The following FMNL2 variants were observed in gnomAD, a reference collection of about 807,000 sequenced individuals.
The protein encoded by FMNL2 is formin-like protein 2.
In FMNL2, 51 loss-of-function variants were observed where a neutral mutation model predicts 130.2. That is an observed-to-expected ratio of 0.39 (90% CI 0.31 to 0.49). The LOEUF is 0.49. Ranked by LOEUF, FMNL2 falls within the 20% of genes least tolerant of loss-of-function variation. The pLI is 0.85. For synonymous variants in FMNL2, 465 were observed against 467.1 expected (o/e 1.00, Z 0.06); for missense variants, 977 against 1,316.2 (o/e 0.74, Z 3.99).
chr2:152,335,702 G>A lies in FMNL2; in HGVS notation c.99G>A (p.Glu33=). ...TGCCAGAGCCAGGTGAACTGGAGGA[G>A]CGATTTGCCATCGTGCTGGTAAGTG... is the stretch of plus-strand genomic sequence containing the variant. ...LPMPEPGELE[E]RFAIVLNAMN... is the part of the protein sequence containing the mutation. The change falls in exon 1 of 26, where the codon GAG becomes GAA. Residue 33 remains glutamate (E), a synonymous_variant. Coordinates refer to ENST00000288670, the MANE Select transcript of FMNL2 (RefSeq NM_052905.4). 1.9e-6 allele frequency: 3 copies of A among 1,584,286 alleles called. No homozygotes were observed. The South Asian group carries it at 3.4e-5, about 18-fold the overall frequency.
chr2:152,354,494 A>C (rs1485453987), intron 1 of FMNL2, among the ~76,000 whole-genome samples: 2 of 151,872 alleles, frequency 1.3e-5, no homozygotes, highest in Non-Finnish European at 2.9e-5. Flanking sequence ...TCCCCAGTAA[A>C]CCCCTGCGTT....
intron 1 of FMNL2, among the ~76,000 whole-genome samples, chr2:152,374,265 G>T (rs1180459654): frequency 1.3e-5 from 2 of 152,166 alleles, no homozygotes; most frequent in African/African-American, 4.8e-5. Flanking sequence ...TCTGGGGTGG[G>T]AGTGTTATTT....
chr2:152,395,047 T>C (rs1558825351), intron 1 of FMNL2, among the ~76,000 whole-genome samples: 1 of 152,244 alleles, frequency 6.6e-6, no homozygotes, highest in Non-Finnish European at 1.5e-5. Flanking sequence ...CCAGGAATGC[T>C]GTTAGAGTGT....
intron 23 of FMNL2, among the ~76,000 whole-genome samples, chr2:152,639,064 TC>T (rs1682867998): frequency 6.8e-6 from 1 of 147,676 alleles, no homozygotes; most frequent in East Asian, 2.0e-4. Flanking sequence ...CTGTGATTTT[TC>T]ACAGCTGATT....
chr2:152,578,062 G>A (rs11892925), intron 7 of FMNL2, among the ~76,000 whole-genome samples: 12,712 of 152,186 alleles, frequency 0.084, 1,748 homozygotes, highest in African/African-American at 0.29. Flanking sequence ...GAGGGAATGG[G>A]ATGGAGGAAG....
At chr2:152,363,557 C>T (rs1003450382) in intron 1 of FMNL2, among the ~76,000 whole-genome samples, 3 of 147,664 alleles carry the variant, frequency 2.0e-5, no homozygotes, top group African/African-American at 7.5e-5. Context: ...GAGTTTTTTT[C>T]TTTTCTTTTT....
At chr2:152,427,429 C>T (rs1352087196) in intron 1 of FMNL2, among the ~76,000 whole-genome samples, 2 of 152,078 alleles carry the variant, frequency 1.3e-5, no homozygotes. Context: ...CTCCTGTAGT[C>T]GCAGCTACTC....
At chr2:152,475,314 G>A (rs569834068) in intron 1 of FMNL2, among the ~76,000 whole-genome samples, 1 of 152,264 alleles carries the variant, frequency 6.6e-6, no homozygotes, top group East Asian at 1.9e-4. Flanking sequence ...ACTGAAAGCT[G>A]TTAGTTTTAT....
Position 152,560,989 on chromosome 2 carries a change from C to A in FMNL2, c.550C>A (p.Pro184Thr), listed in dbSNP as rs200166972. 1.9e-6 allele frequency: 3 copies of A among 1,605,566 alleles called. No individual in the cohort carries two copies. The Admixed American group carries it at 5.1e-5, about 27-fold the overall frequency. The change falls in exon 6 of 26, where the codon CCT becomes ACT. Residue 184 changes from proline to threonine, a missense_variant. By Grantham distance (38) the Pro-to-Thr change is conservative. Around this residue, in one of 4 missense-constraint regions of FMNL2, gnomAD observed 689 missense variants for 995.9 expected, o/e 0.69. Transcript: ENST00000288670. ...DLHRGSNLPS[P>T]VGNSVSRSGR... ...GCACAGAGGGAGCAACCTGCCCTCA[C>A]CTGTGGGCAACAGTGTCTCCCGCTC...
intron 1 of FMNL2, among the ~76,000 whole-genome samples, chr2:152,479,174 AGT>A (rs1453036588): frequency 9.9e-5 from 15 of 152,052 alleles, no homozygotes; most frequent in African/African-American, 3.4e-4. Context: ...CCCAGGCTCG[AGT>A]TCACTGATGT....
At chr2:152,522,538 G>A (rs544153820) in intron 2 of FMNL2, among the ~76,000 whole-genome samples, 2 of 152,278 alleles carry the variant, frequency 1.3e-5, no homozygotes, top group African/African-American at 2.4e-5. Flanking sequence ...AGAGGAACCC[G>A]GTGGGAGGTA....
chr2:152,608,253 T>C (rs1236317584), intron 10 of FMNL2, among the ~76,000 whole-genome samples: 1 of 151,592 alleles, frequency 6.6e-6, no homozygotes, highest in African/African-American at 2.4e-5. Flanking sequence ...AATGACTCCT[T>C]ACCTTGCAGA....
At chr2:152,495,052 A>G (rs1018412779) in intron 1 of FMNL2, among the ~76,000 whole-genome samples, 7 of 152,172 alleles carry the variant, frequency 4.6e-5, no homozygotes, top group African/African-American at 1.4e-4. Flanking sequence ...AATACACATA[A>G]CACCTGGAAA....
chr2:152,643,604 A>G, intron 25 of FMNL2: 1 of 1,514,818 alleles, frequency 6.6e-7, no homozygotes, highest in Non-Finnish European at 8.8e-7. Context: ...GGGCCCACCA[A>G]CATGCTAGCA....
intron 25 of FMNL2, among the ~76,000 whole-genome samples, chr2:152,643,181 C>T (rs1447057755): frequency 1.3e-5 from 2 of 152,132 alleles, no homozygotes; most frequent in African/African-American, 2.4e-5. Flanking sequence ...GTTTATAGGG[C>T]AGTTTTTATC....
Position 152,637,614 on chromosome 2 carries a change from C to T in FMNL2, c.2886C>T (p.Pro962=). The change falls in exon 23 of 26, where the codon CCC becomes CCT. Residue 962 remains proline (P), a synonymous_variant. Transcript: ENST00000288670. ...DDVVKYFGEN[P]KTTPPSVFFP... Reference sequence around the variant, plus strand: ...TTGTGAAGTATTTTGGAGAAAACCCCAAGACAACACCACCCTCTGTCTTCT... The same window carrying T: ...TTGTGAAGTATTTTGGAGAAAACCCTAAGACAACACCACCCTCTGTCTTCT... 6.2e-7 allele frequency: 1 copy of T among 1,613,940 alleles called. No individual in the cohort carries two copies.
chr2:152,563,114 T>A (rs1695627038), intron 6 of FMNL2, among the ~76,000 whole-genome samples: 1 of 152,158 alleles, frequency 6.6e-6, no homozygotes, highest in South Asian at 2.1e-4. Context: ...CAGCCTGTTT[T>A]GCTTCACAGT....
intron 6 of FMNL2, among the ~76,000 whole-genome samples, chr2:152,562,344 C>T (rs1205019140): frequency 1.3e-5 from 2 of 152,124 alleles, no homozygotes; most frequent in East Asian, 1.9e-4. Flanking sequence ...TAAGTGTTTA[C>T]GATCACTCCG....
In FMNL2 at chr2:152,628,282, T is replaced by A; in HGVS notation, c.2166-17T>A. 6.2e-7 allele frequency: 1 copy of A among 1,609,796 alleles called. No individual in the cohort carries two copies. Among genetic ancestry groups the A allele is most frequent in the African/African-American group, 1.3e-5 (1 of 74,960 alleles). On this transcript the variant is annotated splice_polypyrimidine_tract_variant and intron_variant, in intron 17 of 25. Coordinates refer to ENST00000288670, the MANE Select transcript of FMNL2 (RefSeq NM_052905.4). ...GGTTTTTCTCTCTAATGCTAATCTC[T>A]CCACATCTGTCTTTAGATTTGACTT...
Sources: allele counts gnomAD v4.1 joint callset (sites outside exome capture counted in the v4.1 genomes callset), GRCh38; gene constraint gnomAD v4.1.1; regional missense constraint gnomAD v4.1.1; transcripts MANE v1.5; gene names NCBI Gene and HGNC (gene_info 2026-07-23, HGNC 2026-07-21).